Variants in MNAT1 observed in about 807,000 individuals in gnomAD.
The protein encoded by MNAT1 is CDK-activating kinase assembly factor MAT1.
A neutral mutation model predicts 42.0 loss-of-function variants in MNAT1; 43 were observed. The observed-to-expected ratio is 1.02, with a 90% CI of 0.80 to 1.32. The LOEUF (loss-of-function observed/expected upper bound fraction) is 1.32. Among genes scored for constraint, MNAT1 ranks in the 40% most tolerant of loss-of-function variants. The probability of loss-of-function intolerance (pLI) is 0.00; values close to 1 mark genes in which losing one functional copy is unlikely to be tolerated. For synonymous variants in MNAT1, 118 were observed against 120.0 expected, an observed-to-expected ratio of 0.98 and a Z score of 0.11; for missense variants, 306 against 350.4, an observed-to-expected ratio of 0.87 and a Z score of 1.01.
At chr14:60,910,551 G>T (rs1451114265) in intron 7 of MNAT1, among the ~76,000 whole-genome samples, 1 of 152,132 alleles carries the variant, frequency 6.6e-6, no homozygotes, top group Non-Finnish European at 1.5e-5. Flanking sequence ...GTCGAATTTT[G>T]TCAAAAGCCT....
At chr14:60,880,953 G>A (rs2034537145) in intron 7 of MNAT1, among the ~76,000 whole-genome samples, 1 of 152,114 alleles carries the variant, frequency 6.6e-6, no homozygotes, top group Admixed American at 6.5e-5. Context: ...AATGTAAAAA[G>A]TTATACATGA....
chr14:60,826,560 C>T lies in MNAT1; in HGVS notation c.687+7713C>T, dbSNP rs565512592. Among the ~76,000 whole-genome samples the T allele has an allele frequency of 1.1e-4, 17 of 152,054 alleles. No homozygotes were observed. In the South Asian group the frequency reaches 3.5e-3, roughly 32 times the overall value. On this transcript the variant is annotated intron_variant, in intron 6 of 7. Coordinates refer to ENST00000261245, the MANE Select transcript of MNAT1 (RefSeq NM_002431.4). ...GGTCTTGAATTCCTGACCTCATGAT[C>T]CACCTGCCTCGGCCTCCCAAAGTGC... is the stretch of plus-strand genomic sequence containing the variant.
intron 6 of MNAT1, among the ~76,000 whole-genome samples, chr14:60,851,388 G>A (rs568940607): frequency 7.3e-5 from 11 of 150,822 alleles, no homozygotes; most frequent in African/African-American, 1.7e-4. Flanking sequence ...CAGATACTGC[G>A]TTTTTAAACA....
At chr14:60,813,374 T>C (rs1163870236) in intron 5 of MNAT1, among the ~76,000 whole-genome samples, 1 of 152,040 alleles carries the variant, frequency 6.6e-6, no homozygotes, top group Non-Finnish European at 1.5e-5. Flanking sequence ...TAGAGGGGAG[T>C]CCTTACCGTG....
rs1429657464 is a variant in MNAT1 at position 60,943,031 on chromosome 14, TGTGTGTGTGTGTGTGTGTGCGC to T, written c.810-25197_810-25176del. 2.7e-3 allele frequency among the ~76,000 whole-genome samples: 353 copies of T among 133,118 alleles called. 13 individuals carry two copies. Among genetic ancestry groups the T allele is most frequent in the African/African-American group, 9.8e-3 (325 of 33,262 alleles). The allele number at this position is 133,118 out of a possible 152,430, so 87.3% of individuals were successfully genotyped here. ...GTGTGTGTGTGTGTGTGTGTGTGTG[TGTGTGTGTGTGTGTGTGTGCGC>T]TTTTTTTTTTTTTTTTTTGAGACGG... On this transcript the variant is annotated intron_variant, in intron 7 of 7. Coordinates refer to ENST00000261245, the MANE Select transcript of MNAT1 (RefSeq NM_002431.4).
chr14:60,775,848 AAAGT>A lies in MNAT1; in HGVS notation c.90-20367_90-20364del, dbSNP rs528329294. On this transcript the variant is annotated intron_variant, in intron 1 of 7. Coordinates refer to ENST00000261245, the MANE Select transcript of MNAT1 (RefSeq NM_002431.4). ...TGTGAGAAGTCTGAGGAGAGAGAAGAAAGTATGAAATGGTTCATTCAGGGAATGG... is the reference window on the plus strand; with the variant it reads ...TGTGAGAAGTCTGAGGAGAGAGAAGAATGAAATGGTTCATTCAGGGAATGG... 4.5e-4 allele frequency among the ~76,000 whole-genome samples: 69 copies of A among 152,340 alleles called. 2 individuals carry two copies. The South Asian group carries it at 0.014, about 32-fold the overall frequency.
At chr14:60,883,925 C>T (rs781538740) in intron 7 of MNAT1, among the ~76,000 whole-genome samples, 84 of 152,174 alleles carry the variant, frequency 5.5e-4, no homozygotes, top group Admixed American at 1.6e-3. Context: ...TTGTATTCTG[C>T]AACTTTACTC....
intron 7 of MNAT1, among the ~76,000 whole-genome samples, chr14:60,961,214 G>A (rs2036585185): frequency 6.6e-6 from 1 of 152,074 alleles, no homozygotes; most frequent in East Asian, 1.9e-4. Context: ...CGCCCACCTC[G>A]GCCTCCCAAA....
intron 6 of MNAT1, among the ~76,000 whole-genome samples, chr14:60,863,605 T>A (rs1018139155): frequency 6.6e-6 from 1 of 152,116 alleles, no homozygotes; most frequent in Non-Finnish European, 1.5e-5. Flanking sequence ...ATGAATTAAC[T>A]AATTAGTGAA....
At chr14:60,849,356 A>G (rs1348340360) in intron 6 of MNAT1, among the ~76,000 whole-genome samples, 1 of 152,220 alleles carries the variant, frequency 6.6e-6, no homozygotes, top group Non-Finnish European at 1.5e-5. Flanking sequence ...GCAAATTTAA[A>G]TTGAATGGTA....
Position 60,796,279 on chromosome 14 carries a change from C to T in MNAT1, c.152C>T (p.Thr51Ile). Reference sequence around the variant, plus strand: ...GCTGGAAACTGCCCTGAGTGTGGTACTCCACTCAGAAAGAGCAACTTCAGG... The same window carrying T: ...GCTGGAAACTGCCCTGAGTGTGGTATTCCACTCAGAAAGAGCAACTTCAGG... ...RGAGNCPECGTPLRKSNFRVQ... is the reference protein window; with the variant it reads ...RGAGNCPECGIPLRKSNFRVQ... The change falls in exon 2 of 8, where the codon ACT becomes ATT. Residue 51 changes from threonine to isoleucine, a missense_variant. By Grantham distance (89) the Thr-to-Ile change is moderately conservative. Coordinates refer to ENST00000261245, the MANE Select transcript of MNAT1 (RefSeq NM_002431.4). 1 of 1,613,632 alleles carries T rather than the reference C, an allele frequency of 6.2e-7. No individual in the cohort carries two copies. Among genetic ancestry groups the T allele is most frequent in the Non-Finnish European group, 8.5e-7 (1 of 1,179,668 alleles).
At chr14:60,817,007 T>A (rs1448171910) in intron 5 of MNAT1, among the ~76,000 whole-genome samples, 1 of 151,996 alleles carries the variant, frequency 6.6e-6, no homozygotes, top group African/African-American at 2.4e-5. Flanking sequence ...TTTTTGAAGT[T>A]AATACGTTGC....
At chr14:60,947,145 AAC>A (rs1198496573) in intron 7 of MNAT1, among the ~76,000 whole-genome samples, 1 of 152,216 alleles carries the variant, frequency 6.6e-6, no homozygotes, top group Non-Finnish European at 1.5e-5. Context: ...GGGTAGAGGT[AAC>A]ACAATTCAGT....
intron 6 of MNAT1, among the ~76,000 whole-genome samples, chr14:60,820,426 C>T (rs115510718): frequency 0.013 from 1,980 of 152,036 alleles, 43 homozygotes; most frequent in African/African-American, 0.046. Flanking sequence ...TGTGTAGCAG[C>T]TGCTCCTATT....
chr14:60,766,045 T>G (rs1433302959), intron 1 of MNAT1, among the ~76,000 whole-genome samples: 1 of 152,164 alleles, frequency 6.6e-6, no homozygotes, highest in African/African-American at 2.4e-5. Flanking sequence ...TGTAAAAGGA[T>G]TGCATCTGTT....
chr14:60,871,646 G>A (rs866574561), intron 6 of MNAT1, among the ~76,000 whole-genome samples: 4 of 150,564 alleles, frequency 2.7e-5, no homozygotes, highest in African/African-American at 9.8e-5. Flanking sequence ...TTTTGACACA[G>A]AGTTTCACTC....
At chr14:60,910,385 G>T (rs952081715) in intron 7 of MNAT1, among the ~76,000 whole-genome samples, 5 of 152,044 alleles carry the variant, frequency 3.3e-5, no homozygotes, top group Non-Finnish European at 1.5e-5. Context: ...GTGAGAGAGG[G>T]CATCCCTGTC....
At chr14:60,922,418 T>C (rs1044713602) in intron 7 of MNAT1, among the ~76,000 whole-genome samples, 1 of 152,176 alleles carries the variant, frequency 6.6e-6, no homozygotes, top group Non-Finnish European at 1.5e-5. Flanking sequence ...TCGGTTAAAA[T>C]TTATTATAGA....
intron 7 of MNAT1, among the ~76,000 whole-genome samples, chr14:60,886,615 T>G (rs2034678107): frequency 6.6e-6 from 1 of 152,072 alleles, no homozygotes; most frequent in African/African-American, 2.4e-5. Flanking sequence ...AGCTGATTTT[T>G]GCATGTCTGT....
Sources: allele counts gnomAD v4.1 joint callset (sites outside exome capture counted in the v4.1 genomes callset), GRCh38; gene constraint gnomAD v4.1.1; transcripts MANE v1.5; gene names NCBI Gene and HGNC (gene_info 2026-07-23, HGNC 2026-07-21).